Variants in SYT17 observed in about 807,000 individuals in gnomAD.
SYT17 encodes synaptotagmin-17.
A neutral mutation model predicts 46.7 loss-of-function variants in SYT17; 22 were observed. The observed-to-expected ratio is 0.47, with a 90% CI of 0.34 to 0.67. The LOEUF is 0.67. SYT17 is among the 30% of genes least tolerant of loss of function. The pLI, the probability that SYT17 is intolerant of heterozygous loss-of-function variation, is 0.01. For missense variants in SYT17, 519 were observed against 612.8 expected (o/e 0.85, Z 1.62); for synonymous variants, 251 against 248.4 (o/e 1.01, Z -0.10).
chr16:19,171,551 C>T (rs1309126736), intron 1 of SYT17: 1 of 152,192 alleles, frequency 6.6e-6, no homozygotes, highest in Non-Finnish European at 1.5e-5. Flanking sequence ...TCTCAAACTC[C>T]TGACCTCAGG....
intron 7 of SYT17, among the ~76,000 whole-genome samples, chr16:19,252,450 C>CATATATACATAT (rs1288559164): frequency 8.7e-5 from 2 of 23,112 alleles, no homozygotes; most frequent in Non-Finnish European, 5.9e-5. Context: ...TATATATACA[C>CATATATACATAT]ATATATACAT....
intron 2 of SYT17, 22 bp from the exon 3 acceptor site, chr16:19,173,408 C>T (rs768513399): frequency 2.2e-6 from 3 of 1,387,162 alleles, no homozygotes; most frequent in South Asian, 1.4e-5. Context: ...ATCCCCCCGC[C>T]CACCTCCCCC....
chr16:19,189,356 T>TTC (rs1964922315), intron 5 of SYT17, among the ~76,000 whole-genome samples: 1 of 150,666 alleles, frequency 6.6e-6, no homozygotes, highest in African/African-American at 2.4e-5. Flanking sequence ...TTTTTTTTTT[T>TTC]CTGAGACAGG....
Position 19,250,014 on chromosome 16 carries a change from AC to A in SYT17, c.1229-16864del, listed in dbSNP as rs3837779. On this transcript the variant is annotated intron_variant, in intron 7 of 7. Transcript: ENST00000355377. ...ATGGTATCAGTCCTTGGATACCCTC[AC>A]CTGGAAATGAACATTTCCATGGCAT... The A allele has an allele frequency of 5.3e-5, 81 of 1,535,776 alleles. No homozygotes were observed. The East Asian group carries it at 2.0e-3, about 38-fold the overall frequency.
chr16:19,261,964 T>C (rs1332400708), intron 7 of SYT17, among the ~76,000 whole-genome samples: 1 of 152,090 alleles, frequency 6.6e-6, no homozygotes. Flanking sequence ...GGAGGTGACC[T>C]CAGGAAGCTT....
intron 5 of SYT17, among the ~76,000 whole-genome samples, chr16:19,208,021 A>G (rs1323576745): frequency 6.6e-6 from 1 of 152,252 alleles, no homozygotes; most frequent in East Asian, 1.9e-4. Flanking sequence ...TTATAAGGAA[A>G]TAAAGATCTT....
At chr16:19,186,132 C>T (rs571458696) in intron 5 of SYT17, among the ~76,000 whole-genome samples, 29 of 152,190 alleles carry the variant, frequency 1.9e-4, no homozygotes, top group South Asian at 4.1e-4. Flanking sequence ...AGCTGCAGGC[C>T]GTGCCTTAGT....
At chr16:19,174,704 C>T (rs1457149472) in intron 3 of SYT17, among the ~76,000 whole-genome samples, 1 of 152,184 alleles carries the variant, frequency 6.6e-6, no homozygotes, top group Non-Finnish European at 1.5e-5. Context: ...GATTTCCCAT[C>T]TGTGAAATGG....
rs66740634 is a variant in SYT17 at position 19,171,289 on chromosome 16, TATGATGATG to T, written c.16-1441_16-1433del. On this transcript the variant is annotated intron_variant, in intron 1 of 7. Transcript: ENST00000355377. ...TTCACAAGCCACGTACCACCTATAC[TATGATGATG>T]ATGATGATGATGATGATGATGATGA... 7.3e-3 allele frequency: 781 copies of T among 107,674 alleles called. 4 individuals are homozygous for T. Among genetic ancestry groups the T allele is most frequent in the Non-Finnish European group, 0.01 (532 of 52,830 alleles). 6.7% of individuals were successfully genotyped at this position (107,674 alleles called of 1,614,324 possible).
chr16:19,251,846 T>G (rs1437690363), intron 7 of SYT17, among the ~76,000 whole-genome samples: 1 of 152,146 alleles, frequency 6.6e-6, no homozygotes, highest in Non-Finnish European at 1.5e-5. Context: ...TGGAAAGGGA[T>G]TGCGCATACA....
intron 3 of SYT17, among the ~76,000 whole-genome samples, chr16:19,175,471 C>G (rs147926035): frequency 2.5e-4 from 38 of 151,970 alleles, no homozygotes; most frequent in African/African-American, 8.7e-4. Flanking sequence ...CTGGGCAACA[C>G]GATGAGACCC....
chr16:19,181,948 G>A (rs1438342073), intron 4 of SYT17, among the ~76,000 whole-genome samples: 5 of 146,962 alleles, frequency 3.4e-5, no homozygotes, highest in African/African-American at 1.3e-4. Flanking sequence ...GCAGTGAGCC[G>A]AGATTGCACC....
At chr16:19,264,596 CT>C (rs58368073) in intron 7 of SYT17, among the ~76,000 whole-genome samples, 96 of 145,342 alleles carry the variant, frequency 6.6e-4, no homozygotes, top group Middle Eastern at 3.6e-3. Flanking sequence ...TTTCCCCCAC[CT>C]TTTTTTTTTT....
chr16:19,173,203 G>A (rs1040832995), intron 2 of SYT17: 1 of 559,588 alleles, frequency 1.8e-6, no homozygotes, highest in Non-Finnish European at 3.1e-6. Flanking sequence ...GCTACTAACG[G>A]CTCCAGCGAG....
chr16:19,263,027 G>A (rs1969096051), intron 7 of SYT17, among the ~76,000 whole-genome samples: 1 of 141,516 alleles, frequency 7.1e-6, no homozygotes, highest in Admixed American at 7.5e-5. Flanking sequence ...TCTATAAGGA[G>A]TCAGATAATC....
chr16:19,192,073 G>T (rs891529778), intron 5 of SYT17, among the ~76,000 whole-genome samples: 1 of 152,206 alleles, frequency 6.6e-6, no homozygotes, highest in Non-Finnish European at 1.5e-5. Flanking sequence ...GCGAGCCACC[G>T]CGCGGCCGCA....
At chr16:19,201,308 G>GCTTC (rs1377765965) in intron 5 of SYT17, among the ~76,000 whole-genome samples, 2 of 152,184 alleles carry the variant, frequency 1.3e-5, no homozygotes, top group African/African-American at 4.8e-5. Flanking sequence ...GGGGGACAGG[G>GCTTC]GAAGAGGTAC....
intron 5 of SYT17, among the ~76,000 whole-genome samples, chr16:19,222,748 T>G (rs1966367662): frequency 6.6e-6 from 1 of 152,222 alleles, no homozygotes; most frequent in Non-Finnish European, 1.5e-5. Context: ...CATTAGTCAT[T>G]ACATGTAAAG....
In SYT17 at chr16:19,206,212, C is replaced by T. The variant is rs1223837297; in HGVS notation, c.952-16833C>T. The stretch of plus-strand genomic sequence containing the variant: ...AAGGGCAGGAGAGAAGAAACAAGAA[C>T]TGTGGAGACCAAGAAATAGAAGCTA... On this transcript the variant is annotated intron_variant, in intron 5 of 7. Coordinates refer to ENST00000355377, the MANE Select transcript of SYT17 (RefSeq NM_016524.4). Among the ~76,000 whole-genome samples, 3 of 152,244 alleles carry T rather than the reference C, an allele frequency of 2.0e-5. No individual in the cohort carries two copies. The East Asian group carries it at 5.8e-4, about 29-fold the overall frequency.
Sources: allele counts gnomAD v4.1 joint callset (sites outside exome capture counted in the v4.1 genomes callset), GRCh38; gene constraint gnomAD v4.1.1; transcripts MANE v1.5; gene names NCBI Gene and HGNC (gene_info 2026-07-23, HGNC 2026-07-21).